The following CTNND2 variants were observed in gnomAD, a reference collection of about 807,000 sequenced individuals.
The protein encoded by CTNND2 is catenin delta-2.
In CTNND2, 22 loss-of-function variants were observed where a neutral mutation model predicts 144.4. The ratio of observed to expected loss-of-function variants is 0.15; its 90% CI spans 0.11 to 0.22. The LOEUF (loss-of-function observed/expected upper bound fraction) is 0.22, where lower values mean the gene tolerates loss of function less well. CTNND2 is among the 10% of genes least tolerant of loss of function. The pLI is 1.00. For synonymous variants in CTNND2, 751 were observed against 695.6 expected, an observed-to-expected ratio of 1.08 and a Z score of -1.25; for missense variants, 1,353 against 1,618.8, an observed-to-expected ratio of 0.84 and a Z score of 2.82.
At chr5:11,673,580 T>C (rs1391664476) in intron 2 of CTNND2, among the ~76,000 whole-genome samples, 2 of 152,216 alleles carry the variant, frequency 1.3e-5, no homozygotes, top group African/African-American at 4.8e-5. Flanking sequence ...AATCTTTTTC[T>C]CATACTTTAA....
intron 3 of CTNND2, among the ~76,000 whole-genome samples, chr5:11,461,513 G>A (rs1438223544): frequency 1.3e-5 from 2 of 152,118 alleles, no homozygotes; most frequent in African/African-American, 2.4e-5. Context: ...TCATGAACTC[G>A]GTGGTAGACC....
At chr5:11,314,320 G>A (rs911715494) in intron 9 of CTNND2, among the ~76,000 whole-genome samples, 1 of 152,098 alleles carries the variant, frequency 6.6e-6, no homozygotes, top group African/African-American at 2.4e-5. Flanking sequence ...CTGCTCCCAA[G>A]TCAGACTCAA....
At chr5:11,546,576 A>C (rs1775253636) in intron 3 of CTNND2, among the ~76,000 whole-genome samples, 1 of 152,248 alleles carries the variant, frequency 6.6e-6, no homozygotes, top group South Asian at 2.1e-4. Flanking sequence ...ACTTCTATAT[A>C]AAACAGAAAT....
chr5:11,102,556 G>A, intron 14 of CTNND2, among the ~76,000 whole-genome samples: 1 of 152,124 alleles, frequency 6.6e-6, no homozygotes, highest in Non-Finnish European at 1.5e-5. Context: ...TAATGTATCA[G>A]CACTTTTCTT....
chr5:11,882,395 C>G (rs947762510), intron 1 of CTNND2, among the ~76,000 whole-genome samples: 1 of 151,980 alleles, frequency 6.6e-6, no homozygotes, highest in Non-Finnish European at 1.5e-5. Flanking sequence ...TGAGTTGATT[C>G]TTCTATATGC....
Position 10,982,323 on chromosome 5 carries a change from C to T in CTNND2, c.3344-477G>A, listed in dbSNP as rs1211599536. On this transcript the variant is annotated intron_variant, in intron 20 of 21. Transcript: ENST00000304623. ...ATTTCTTACAGACCCAAAGGACGGG[C>T]AGGGGGCATCGCCTGCATGTCCCCC... Among the ~76,000 whole-genome samples, 7 of 152,336 alleles carry T rather than the reference C, an allele frequency of 4.6e-5. No homozygotes were observed. The East Asian group carries it at 1.4e-3, about 29-fold the overall frequency.
chr5:11,872,690 G>C (rs1735239128), intron 1 of CTNND2, among the ~76,000 whole-genome samples: 1 of 152,072 alleles, frequency 6.6e-6, no homozygotes, highest in South Asian at 2.1e-4. Flanking sequence ...CTTTTGAGAA[G>C]TGTCTGTTCA....
At chr5:11,320,060 G>A (rs565880753) in intron 9 of CTNND2, among the ~76,000 whole-genome samples, 6 of 152,268 alleles carry the variant, frequency 3.9e-5, no homozygotes, top group Admixed American at 2.0e-4. Context: ...GACACCCAGC[G>A]GTTCTGACCA....
chr5:11,773,606 T>TA (rs1307058654), intron 1 of CTNND2, among the ~76,000 whole-genome samples: 2 of 152,136 alleles, frequency 1.3e-5, no homozygotes, highest in South Asian at 2.1e-4. Context: ...GGTCAGGAGT[T>TA]AGAGGCCAGC....
intron 1 of CTNND2, among the ~76,000 whole-genome samples, chr5:11,738,399 A>T (rs1787816653): frequency 6.6e-6 from 1 of 152,238 alleles, no homozygotes; most frequent in Non-Finnish European, 1.5e-5. Context: ...AACCATAGGT[A>T]ATAAGATGTT....
intron 1 of CTNND2, among the ~76,000 whole-genome samples, chr5:11,770,340 A>G (rs1409179031): frequency 6.6e-6 from 1 of 151,994 alleles, no homozygotes; most frequent in Non-Finnish European, 1.5e-5. Context: ...AAACAGAATT[A>G]GAATATATAA....
At chr5:11,763,566 A>T (rs1476467818) in intron 1 of CTNND2, among the ~76,000 whole-genome samples, 2 of 152,194 alleles carry the variant, frequency 1.3e-5, no homozygotes, top group African/African-American at 2.4e-5. Flanking sequence ...TGTCCTCCAA[A>T]TTTGATCCAA....
In CTNND2 at chr5:11,556,749, C is replaced by T. The variant is rs532680059; in HGVS notation, c.287+8195G>A. ...AAAGTATGGCAGACTTTGTTGGAAA[C>T]CTCTCTTTGCAAAAGTTCAATAGTT... On this transcript the variant is annotated intron_variant, in intron 3 of 21. Coordinates refer to ENST00000304623, the MANE Select transcript of CTNND2 (RefSeq NM_001332.4). Among the ~76,000 whole-genome samples, 5 of 7,918 alleles carry T rather than the reference C, an allele frequency of 6.3e-4. No individual in the cohort carries two copies. In the South Asian group the frequency reaches 0.033, roughly 53 times the overall value. The allele number at this position is 7,918 out of a possible 152,430, so 5.2% of individuals were successfully genotyped here.
chr5:11,518,827 G>A (rs1161532673), intron 3 of CTNND2, among the ~76,000 whole-genome samples: 1 of 152,060 alleles, frequency 6.6e-6, no homozygotes, highest in Non-Finnish European at 1.5e-5. Context: ...GTCTGTGTAG[G>A]TACACTCTAC....
Position 11,406,626 on chromosome 5 carries a change from C to T in CTNND2, c.439+4910G>A, listed in dbSNP as rs780234838. ...CTTTTAAATAACCTGATCTCTCAAA[C>T]GTCTCTTGTAAATTAAGTATATTCA... On this transcript the variant is annotated intron_variant, in intron 5 of 21. Transcript: ENST00000304623. Among the ~76,000 whole-genome samples, 7 of 152,094 alleles carry T rather than the reference C, an allele frequency of 4.6e-5. No individual in the cohort carries two copies. The South Asian group carries it at 6.2e-4, about 14-fold the overall frequency.
chr5:11,585,461 ATATT>A (rs950840272), intron 2 of CTNND2, among the ~76,000 whole-genome samples: 56 of 144,012 alleles, frequency 3.9e-4, no homozygotes, highest in African/African-American at 1.2e-3. Context: ...ATAACACACT[ATATT>A]TATATATTTT....
chr5:11,479,925 T>A (rs1266835283), intron 3 of CTNND2, among the ~76,000 whole-genome samples: 1 of 152,222 alleles, frequency 6.6e-6, no homozygotes, highest in African/African-American at 2.4e-5. Context: ...GTAAGATGCA[T>A]AGTTTGCAAA....
intron 1 of CTNND2, among the ~76,000 whole-genome samples, chr5:11,759,567 T>TAC (rs1789142119): frequency 6.6e-6 from 1 of 151,860 alleles, no homozygotes; most frequent in Admixed American, 6.6e-5. Context: ...TCAATTAATT[T>TAC]CTCTGTCTTA....
chr5:11,588,872 C>T, intron 2 of CTNND2: 1 of 985,398 alleles, frequency 1.0e-6, no homozygotes, highest in Non-Finnish European at 1.2e-6. Flanking sequence ...TTCCTGGCAT[C>T]CTACCCACCT....
Sources: gnomAD v4.1 joint callset for allele counts (sites outside exome capture counted in the v4.1 genomes callset) on GRCh38, gnomAD v4.1.1 for gene constraint, MANE v1.5 for transcripts, NCBI Gene and HGNC (gene_info 2026-07-23, HGNC 2026-07-21) for gene names.